LRP2: variants seen among roughly 807,000 people sequenced by gnomAD.
LRP2 encodes the protein LDL receptor related protein 2.
Under a neutral mutation model 531.0 loss-of-function variants are expected in LRP2, and 172 were observed. The observed-to-expected ratio is 0.32, with a 90% CI of 0.29 to 0.37. The LOEUF (loss-of-function observed/expected upper bound fraction) is 0.37. Among genes scored for constraint, LRP2 ranks in the 10% least tolerant of loss-of-function variants. The probability of loss-of-function intolerance (pLI) is 1.00; values close to 1 mark genes in which losing one functional copy is unlikely to be tolerated. For missense variants in LRP2, 5,167 were observed against 5,868.3 expected (o/e 0.88, Z 3.90); for synonymous variants, 1,992 against 2,027.6 (o/e 0.98, Z 0.47).
chr2:169,342,804 G>A (rs1019224551), intron 1 of LRP2, among the ~76,000 whole-genome samples: 3 of 152,116 alleles, frequency 2.0e-5, no homozygotes, highest in African/African-American at 7.2e-5. Flanking sequence ...TGCAATAAAC[G>A]TGTGTGAAAG....
intron 25 of LRP2, 144 bp downstream of exon 25, chr2:169,240,844 G>A: frequency 1.1e-6 from 1 of 923,594 alleles, no homozygotes. Flanking sequence ...ATTCAATTAT[G>A]GTTACCCCCT....
At chr2:169,310,107 C>T (rs1574244224) in intron 3 of LRP2, among the ~76,000 whole-genome samples, 1 of 152,170 alleles carries the variant, frequency 6.6e-6, no homozygotes, top group East Asian at 1.9e-4. Flanking sequence ...TGCTTATCAG[C>T]TTAAGGAGAT....
intron 1 of LRP2, among the ~76,000 whole-genome samples, chr2:169,327,131 G>A: frequency 7.0e-6 from 1 of 142,888 alleles, no homozygotes. Flanking sequence ...CCGGGAGGGA[G>A]GTGGGGGGGT....
intron 53 of LRP2, among the ~76,000 whole-genome samples, chr2:169,177,467 C>G (rs1411534041): frequency 1.3e-5 from 2 of 151,956 alleles, no homozygotes; most frequent in East Asian, 3.9e-4. Context: ...TTTTTAATTC[C>G]TTTAAAATAC....
In LRP2 at chr2:169,138,673, C is replaced by T. The variant is rs769352361; in HGVS notation, c.13422G>A (p.Gly4474=). ...CCCCTGATCTGAAGGTCACCCCATTCCCATTTTCAGAGGGCTTGACGAGAC... is the reference window on the plus strand; with the variant it reads ...CCCCTGATCTGAAGGTCACCCCATTTCCATTTTCAGAGGGCTTGACGAGAC... ...LSSLVKPSEN[G]NGVTFRSGAD... The change falls in exon 75 of 79, where the codon GGG becomes GGA. Residue 4474 remains glycine, a synonymous_variant. Transcript: ENST00000649046. The T allele has an allele frequency of 1.2e-6, 2 of 1,614,044 alleles. No individual in the cohort carries two copies. Among genetic ancestry groups the T allele is most frequent in the Non-Finnish European group, 1.7e-6 (2 of 1,179,958 alleles).
intron 13 of LRP2, 90 bp from the exon 14 acceptor site, chr2:169,275,328 A>G (rs1350594830): frequency 1.0e-6 from 1 of 952,534 alleles, no homozygotes; most frequent in Non-Finnish European, 1.7e-6. Flanking sequence ...AATGCCTGAA[A>G]AGCTAAATAA....
At chr2:169,145,308 C>T (rs532812237) in intron 70 of LRP2, among the ~76,000 whole-genome samples, 1 of 152,182 alleles carries the variant, frequency 6.6e-6, no homozygotes, top group Non-Finnish European at 1.5e-5. Context: ...ACATGACTGG[C>T]CATTTTAAAC....
At chr2:169,225,716 C>G (rs1689179285) in intron 32 of LRP2, among the ~76,000 whole-genome samples, 2 of 152,188 alleles carry the variant, frequency 1.3e-5, no homozygotes, top group Non-Finnish European at 2.9e-5. Context: ...GCATACAAGT[C>G]ATGAGAAAAA....
intron 33 of LRP2, among the ~76,000 whole-genome samples, chr2:169,224,409 C>A (rs1415276952): frequency 6.6e-6 from 1 of 152,182 alleles, no homozygotes; most frequent in Non-Finnish European, 1.5e-5. Context: ...TGATTTCATA[C>A]CTGTGCCTCA....
chr2:169,327,467 C>A (rs1231315096), intron 1 of LRP2, among the ~76,000 whole-genome samples: 1 of 121,272 alleles, frequency 8.2e-6, no homozygotes, highest in East Asian at 2.6e-4. Context: ...CGGCCAGCCG[C>A]CCCGTCTGGG....
chr2:169,290,870 G>A lies in LRP2; in HGVS notation c.897C>T (p.Asn299=), dbSNP rs1683981116. Residue 299 remains asparagine (N), a synonymous_variant, in exon 8 of 79, where the codon AAC becomes AAT. Coordinates refer to ENST00000649046, the MANE Select transcript of LRP2 (RefSeq NM_004525.3). ...ILDCPGREDE[N]NTSTGKYCSM... is the part of the protein sequence containing the mutation. ...TACAGTATTTTCCGGTACTAGTGTT[G>A]TTTTCATCTTCTCTTCCTGGGCAAT... is the stretch of plus-strand genomic sequence containing the variant. The A allele has an allele frequency of 6.2e-7, 1 of 1,614,100 alleles. No homozygotes were observed.
chr2:169,336,873 C>G (rs1033180721), intron 1 of LRP2, among the ~76,000 whole-genome samples: 11 of 152,196 alleles, frequency 7.2e-5, no homozygotes, highest in African/African-American at 2.7e-4. Flanking sequence ...GCCAGTTCTT[C>G]CCTGGGAAGA....
chr2:169,292,699 A>C lies in LRP2; in HGVS notation c.653-330T>G, dbSNP rs112318440. Among the ~76,000 whole-genome samples the C allele has an allele frequency of 6.0e-4, 91 of 151,986 alleles. 1 individual carries two copies. Among genetic ancestry groups the C allele is most frequent in the African/African-American group, 2.1e-3 (89 of 41,468 alleles). On this transcript the variant is annotated intron_variant, in intron 6 of 78. Coordinates refer to ENST00000649046, the MANE Select transcript of LRP2 (RefSeq NM_004525.3). ...AATAAATAGCCAAGCATGGTGGTAC[A>C]TGTCTGTAGTCTCAGCTACTCAGGA... is the stretch of plus-strand genomic sequence containing the variant.
chr2:169,176,571 T>C lies in LRP2; in HGVS notation c.10411A>G (p.Thr3471Ala). The C allele has an allele frequency of 6.2e-7, 1 of 1,614,190 alleles. No homozygotes were observed. Among genetic ancestry groups the C allele is most frequent in the Non-Finnish European group, 8.5e-7 (1 of 1,180,026 alleles). Residue 3471 changes from threonine (T) to alanine (A), a missense_variant, in exon 54 of 79, where the codon ACC (threonine) becomes GCC (alanine). Transcript: ENST00000649046. ...AGATGAGAACAGCCACCATTGTTGGTACCACAGGGATTGCTCACTAGTGGA... is the reference window on the plus strand; with the variant it reads ...AGATGAGAACAGCCACCATTGTTGGCACCACAGGGATTGCTCACTAGTGGA... The part of the protein sequence containing the change: ...RQPIVSNPCG[T>A]NNGGCSHLCL...
intron 4 of LRP2, among the ~76,000 whole-genome samples, chr2:169,297,928 A>C (rs1277316975): frequency 2.6e-5 from 4 of 151,996 alleles, no homozygotes. Context: ...ATTATGAAGA[A>C]GGAATCTTAA....
intron 47 of LRP2, 25 bp downstream of exon 47, chr2:169,193,736 A>C: frequency 6.2e-7 from 1 of 1,614,112 alleles, no homozygotes. Flanking sequence ...GTGACTCTGC[A>C]GAGGAATTAA....
intron 16 of LRP2, among the ~76,000 whole-genome samples, chr2:169,261,635 A>T (rs1261960081): frequency 6.6e-6 from 1 of 152,110 alleles, no homozygotes; most frequent in Non-Finnish European, 1.5e-5. Flanking sequence ...CCAGGACCAG[A>T]TGGATTCACA....
At chr2:169,175,159 G>A in intron 55 of LRP2, 34 bp downstream of exon 55, 6 of 1,598,684 alleles carry the variant, frequency 3.8e-6, no homozygotes, top group Admixed American at 1.7e-5. Flanking sequence ...CAACATAGAA[G>A]TCGGAAAAAG....
chr2:169,219,672 A>C (rs1688917542), intron 34 of LRP2, among the ~76,000 whole-genome samples: 1 of 152,130 alleles, frequency 6.6e-6, no homozygotes, highest in Non-Finnish European at 1.5e-5. Flanking sequence ...AACAACAGAC[A>C]CTGTGGACTA....
Sources: allele counts gnomAD v4.1 joint callset (sites outside exome capture counted in the v4.1 genomes callset), GRCh38; gene constraint gnomAD v4.1.1; transcripts MANE v1.5; gene names NCBI Gene and HGNC (gene_info 2026-07-23, HGNC 2026-07-21).